AP1M2: variants seen among roughly 807,000 people sequenced by gnomAD.
The protein encoded by AP1M2 is AP-1 complex subunit mu-2.
A neutral mutation model predicts 54.6 loss-of-function variants in AP1M2; 41 were observed. The observed-to-expected ratio is 0.75, with a 90% confidence interval of 0.59 to 0.97. The LOEUF (loss-of-function observed/expected upper bound fraction) is 0.97, where lower values mean the gene tolerates loss of function less well. Ranked by LOEUF, AP1M2 falls within the 50% of genes least tolerant of loss-of-function variation. The pLI is 0.00. For synonymous variants in AP1M2, 219 were observed against 215.9 expected (o/e 1.01, Z -0.13); for missense variants, 507 against 561.2 (o/e 0.90, Z 0.98).
chr19:10,585,228 AAAAG>A (rs1209255662), intron 1 of AP1M2, among the ~76,000 whole-genome samples: 10 of 140,084 alleles, frequency 7.1e-5, no homozygotes, highest in African/African-American at 1.3e-4. Context: ...AAGAAAGAAG[AAAAG>A]AAAGAAAGAA....
At chr19:10,576,093 G>GT (rs35332266) in intron 9 of AP1M2, among the ~76,000 whole-genome samples, 72,154 of 134,952 alleles carry the variant, frequency 0.53, 19,559 homozygotes, top group East Asian at 0.72. Flanking sequence ...TTTTTTCTAA[G>GT]TTTTTTTTTT....
Position 10,575,028 on chromosome 19 carries a change from C to T in AP1M2, c.1049G>A (p.Gly350Glu). ...VVIWSIKSFP[G>E]GKEYLMRAHF... ...GGCTCGCATCAAGTACTCCTTGCCC[C>T]CCTGAGGGAACATGGGGGCATCAGG... Residue 350 changes from glycine (G) to glutamate (E), a missense_variant and splice_region_variant, in exon 10 of 12, where the codon GGG (glycine) becomes GAG (glutamate). Physicochemically the swap from Gly to Glu is moderately conservative, Grantham distance 98 (BLOSUM62 -2). Transcript: ENST00000250244. 1 of 1,504,820 alleles carries T rather than the reference C, an allele frequency of 6.6e-7. No homozygotes were observed. Among genetic ancestry groups the T allele is most frequent in the Non-Finnish European group, 8.9e-7 (1 of 1,124,032 alleles). 93.2% of individuals were successfully genotyped at this position (1,504,820 alleles called of 1,614,324 possible).
At position 10,577,284 on chromosome 19, in the gene AP1M2, C is replaced by T. The variant is rs778768783; in HGVS notation, c.961G>A (p.Asp321Asn). 1.9e-6 allele frequency: 3 copies of T among 1,612,664 alleles called. No homozygotes were observed. Among genetic ancestry groups the T allele is most frequent in the South Asian group, 1.1e-5 (1 of 90,632 alleles). ...EISVPVPSDADSPRFKTSVGS... is the reference protein window; with the variant it reads ...EISVPVPSDANSPRFKTSVGS... Reference sequence around the variant, plus strand: ...ACACTGGTCTTGAATCTGGGGGAGTCGGCATCGCTGGGTACAGGCACAGAT... The same window carrying T: ...ACACTGGTCTTGAATCTGGGGGAGTTGGCATCGCTGGGTACAGGCACAGAT... The change falls in exon 9 of 12, where the codon GAC becomes AAC. Residue 321 changes from aspartate to asparagine, a missense_variant. Coordinates refer to ENST00000250244, the MANE Select transcript of AP1M2 (RefSeq NM_005498.5).
Position 10,581,378 on chromosome 19 carries a change from G to A in AP1M2, c.561C>T (p.Gly187=). ...ESVNLLVNAN[G]SVLLSEIVGT... is the part of the protein sequence containing the mutation. The stretch of plus-strand genomic sequence containing the variant: ...CGACGATTTCGCTCAGAAGGACGCT[G>A]CCGTTGGCATTGACCTGAGGGAGGA... Residue 187 remains glycine, a synonymous_variant, in exon 6 of 12, where the codon GGC becomes GGT. Transcript: ENST00000250244. 6.2e-7 allele frequency: 1 copy of A among 1,612,466 alleles called. No individual in the cohort carries two copies. Among genetic ancestry groups the A allele is most frequent in the Non-Finnish European group, 8.5e-7 (1 of 1,178,612 alleles).
intron 1 of AP1M2, chr19:10,585,194 AAC>A: frequency 1.3e-5 from 2 of 151,204 alleles, no homozygotes; most frequent in East Asian, 3.9e-4. Flanking sequence ...CAGCCCGAGC[AAC>A]AGAGTGAGAC....
intron 10 of AP1M2, 83 bp from the exon 11 acceptor site, chr19:10,574,575 G>A (rs1917163515): frequency 2.4e-6 from 3 of 1,225,096 alleles, no homozygotes; most frequent in African/African-American, 1.5e-5. Context: ...CTTAGGCCAA[G>A]CGGCTATGTG....
chr19:10,582,778 AGTGTACTG>A (rs1252918273), intron 3 of AP1M2, among the ~76,000 whole-genome samples: 3 of 151,694 alleles, frequency 2.0e-5, no homozygotes, highest in Non-Finnish European at 2.9e-5. Flanking sequence ...AAAAAGAAAA[AGTGTACTG>A]AATGCTTGAA....
intron 10 of AP1M2, 21 bp downstream of exon 10, chr19:10,574,883 C>T: frequency 6.3e-7 from 1 of 1,594,176 alleles, no homozygotes; most frequent in South Asian, 1.1e-5. Context: ...GGGGAGGATC[C>T]TCCCTGCCTG....
intron 7 of AP1M2, among the ~76,000 whole-genome samples, chr19:10,579,476 T>A (rs1917364620): frequency 6.6e-6 from 1 of 152,132 alleles, no homozygotes; most frequent in African/African-American, 2.4e-5. Flanking sequence ...TGCCTCAGCC[T>A]CCCCAGTACC....
chr19:10,574,785 G>A, intron 10 of AP1M2, 119 bp downstream of exon 10: 1 of 1,325,726 alleles, frequency 7.5e-7, no homozygotes, highest in Non-Finnish European at 1.0e-6. Context: ...GAAAGACCAG[G>A]CAGCCTTCAG....
chr19:10,581,337 T>G lies in AP1M2; in HGVS notation c.602A>C (p.Lys201Thr), dbSNP rs1479454215. The G allele has an allele frequency of 3.1e-6, 5 of 1,613,758 alleles. No homozygotes were observed. Among genetic ancestry groups the G allele is most frequent in the Non-Finnish European group, 4.2e-6 (5 of 1,179,794 alleles). The change falls in exon 6 of 12, where the codon AAG becomes ACG. Residue 201 changes from lysine (K) to threonine (T), a missense_variant. Coordinates refer to ENST00000250244, the MANE Select transcript of AP1M2 (RefSeq NM_005498.5). Reference protein sequence around the residue: ...LSEIVGTIKLKVFLSGMPELR... With the variant: ...LSEIVGTIKLTVFLSGMPELR... ...CTCTGGCATTCCTGACAGAAACACC[T>G]TGAGCTTGATGGTACCGACGATTTC...
intron 9 of AP1M2, among the ~76,000 whole-genome samples, chr19:10,576,146 C>T (rs1428401322): frequency 4.9e-5 from 7 of 141,600 alleles, no homozygotes; most frequent in Admixed American, 1.4e-4. Context: ...GGCTGGAGTG[C>T]GGTGGCGTGA....
At position 10,586,072 on chromosome 19, in the gene AP1M2, A is replaced by G. The variant is rs1391223938; in HGVS notation, c.42+1118T>C. Among the ~76,000 whole-genome samples, 5 of 152,208 alleles carry G rather than the reference A, an allele frequency of 3.3e-5. No individual in the cohort carries two copies. The East Asian group carries it at 9.7e-4, about 29-fold the overall frequency. Reference sequence around the variant, plus strand: ...GCCGAGGTGGGCGGATCACGAGGTCAAGAGATTGAGACCATCCTGCCCAAC... The same window carrying G: ...GCCGAGGTGGGCGGATCACGAGGTCGAGAGATTGAGACCATCCTGCCCAAC... On this transcript the variant is annotated intron_variant, in intron 1 of 11. Transcript: ENST00000250244.
At chr19:10,582,604 C>A (rs1180452978) in intron 3 of AP1M2, among the ~76,000 whole-genome samples, 1 of 151,518 alleles carries the variant, frequency 6.6e-6, no homozygotes, top group East Asian at 2.0e-4. Flanking sequence ...AAAAATTAGC[C>A]AGGCATGGTG....
intron 3 of AP1M2, among the ~76,000 whole-genome samples, 186 bp from the exon 4 acceptor site, chr19:10,582,064 G>A (rs551330879): frequency 6.8e-4 from 101 of 149,608 alleles, no homozygotes; most frequent in African/African-American, 2.3e-3. Context: ...TTTTTTTTTC[G>A]AGACAGTCTC....
chr19:10,584,570 C>T (rs1568434360), intron 1 of AP1M2, among the ~76,000 whole-genome samples: 1 of 149,724 alleles, frequency 6.7e-6, no homozygotes, highest in African/African-American at 2.5e-5. Flanking sequence ...CAGAGCAAGA[C>T]TCCATCTCAA....
At chr19:10,584,166 T>TAG in intron 1 of AP1M2, 96 bp from the exon 2 acceptor site, 1 of 1,445,908 alleles carries the variant, frequency 6.9e-7, no homozygotes, top group Non-Finnish European at 9.3e-7. Context: ...ACTTCCTAGC[T>TAG]GAGGGGCTTG....
At chr19:10,575,615 T>C (rs1237978807) in intron 9 of AP1M2, among the ~76,000 whole-genome samples, 1 of 151,976 alleles carries the variant, frequency 6.6e-6, no homozygotes, top group African/African-American at 2.4e-5. Flanking sequence ...CCTCAAGACA[T>C]TGGCAGGGGG....
intron 9 of AP1M2, 110 bp downstream of exon 9, chr19:10,577,088 T>C: frequency 7.9e-7 from 1 of 1,263,712 alleles, no homozygotes. Flanking sequence ...CCATCACACC[T>C]GACTGGGTCT....
Sources: allele counts gnomAD v4.1 joint callset (sites outside exome capture counted in the v4.1 genomes callset), GRCh38; gene constraint gnomAD v4.1.1; transcripts MANE v1.5; gene names NCBI Gene and HGNC (gene_info 2026-07-23, HGNC 2026-07-21).